HIPK2: variants seen among roughly 807,000 people sequenced by gnomAD.
HIPK2 encodes the protein homeodomain interacting protein kinase 2.
In HIPK2, 27 loss-of-function variants were observed where a neutral mutation model predicts 113.7. That is an observed-to-expected ratio of 0.24 (90% CI 0.17 to 0.33). HIPK2 has a LOEUF of 0.33. Among genes scored for constraint, HIPK2 ranks in the 10% least tolerant of loss-of-function variants. HIPK2 has a pLI of 1.00. For missense variants in HIPK2, 1,257 were observed against 1,588.0 expected, an observed-to-expected ratio of 0.79 and a Z score of 3.54; for synonymous variants, 631 against 642.2, an observed-to-expected ratio of 0.98 and a Z score of 0.26.
Position 139,571,998 on chromosome 7 carries a change from T to C in HIPK2, c.*929A>G, listed in dbSNP as rs1185975326. On this transcript the variant is annotated 3_prime_UTR_variant, in exon 15 of 15. Transcript: ENST00000406875. ...AATATTCTATTGGTATCATTGGAGT[T>C]GAACACAAGGTAGGAGACAAGGGTG... is the stretch of plus-strand genomic sequence containing the variant. The C allele has an allele frequency of 6.6e-6, 1 of 152,280 alleles. No homozygotes were observed. The highest frequency in any genetic ancestry group is 6.5e-5 in the Admixed American group (1 of 15,288). The allele number at this position is 152,280 out of a possible 1,614,324, so 9.4% of individuals were successfully genotyped here. A position where few individuals can be genotyped will look rare whatever the true frequency, so the allele number is the denominator to read the frequency against.
intron 6 of HIPK2, among the ~76,000 whole-genome samples, chr7:139,626,235 T>C (rs1428613620): frequency 2.6e-5 from 4 of 152,036 alleles, no homozygotes. Context: ...CCCAAATAGC[T>C]GGGATTACAG....
chr7:139,677,220 G>A (rs1396298651), intron 2 of HIPK2, among the ~76,000 whole-genome samples: 4 of 150,318 alleles, frequency 2.7e-5, no homozygotes, highest in African/African-American at 9.8e-5. Flanking sequence ...TATGTAGAGA[G>A]AGAGGGGCTG....
In HIPK2 at chr7:139,776,811, G is replaced by A. The variant is rs574471486; in HGVS notation, c.19+794C>T. On this transcript the variant is annotated intron_variant, in intron 1 of 14. Coordinates refer to ENST00000406875, the MANE Select transcript of HIPK2 (RefSeq NM_022740.5). Reference sequence around the variant, plus strand: ...CTTTCTGGCTGGAAGCTGACAGAACGGACTGAAGAGAAACGAAAGACAGTG... The same window carrying A: ...CTTTCTGGCTGGAAGCTGACAGAACAGACTGAAGAGAAACGAAAGACAGTG... Among the ~76,000 whole-genome samples the A allele has an allele frequency of 5.9e-5, 9 of 152,304 alleles. No homozygotes were observed. In the South Asian group the frequency reaches 1.7e-3, roughly 28 times the overall value.
chr7:139,755,044 A>G (rs1015122), intron 1 of HIPK2, among the ~76,000 whole-genome samples: 54,879 of 152,024 alleles, frequency 0.36, 13,787 homozygotes, highest in African/African-American at 0.71. Flanking sequence ...CCTCACTTCC[A>G]GCATGGGGGG....
chr7:139,676,013 T>C (rs753486496), intron 2 of HIPK2, among the ~76,000 whole-genome samples: 1 of 152,234 alleles, frequency 6.6e-6, no homozygotes, highest in Non-Finnish European at 1.5e-5. Flanking sequence ...AGTCGTCTCC[T>C]GATCAAAAGA....
chr7:139,626,898 T>G (rs1800452281), intron 5 of HIPK2, 113 bp from the exon 6 acceptor site: 3 of 1,228,506 alleles, frequency 2.4e-6, no homozygotes, highest in Non-Finnish European at 3.5e-6. Flanking sequence ...GCCCCCTTTC[T>G]CAGTTCCCAG....
intron 1 of HIPK2, among the ~76,000 whole-genome samples, chr7:139,728,163 G>A (rs1038462033): frequency 6.6e-6 from 1 of 151,764 alleles, no homozygotes; most frequent in Non-Finnish European, 1.5e-5. Flanking sequence ...GGCTGGTCTC[G>A]AACTCCTGGG....
chr7:139,564,137 G>C lies in HIPK2; in HGVS notation c.*8790C>G, dbSNP rs772680975. 15 of 396,566 alleles carry C rather than the reference G, an allele frequency of 3.8e-5. No individual in the cohort carries two copies. The highest frequency in any genetic ancestry group is 6.2e-5 in the Non-Finnish European group (14 of 225,452). The allele number at this position is 396,566 out of a possible 1,614,324, so 24.6% of individuals were successfully genotyped here. A position where few individuals can be genotyped will look rare whatever the true frequency, so the allele number is the denominator to read the frequency against. The stretch of plus-strand genomic sequence containing the variant: ...TCCCCCTCCCACCGAACTAGACTTT[G>C]AGTCTAAGCTGGACAATGAGTAAAA... On this transcript the variant is annotated 3_prime_UTR_variant, in exon 15 of 15. Transcript: ENST00000406875.
At position 139,582,681 on chromosome 7, in the gene HIPK2, G is replaced by A. The variant is rs79195010; in HGVS notation, c.2965+1136C>T. On this transcript the variant is annotated intron_variant, in intron 13 of 14. Coordinates refer to ENST00000406875, the MANE Select transcript of HIPK2 (RefSeq NM_022740.5). ...TGCCTTGGGTTAGGAAGTAGGTGGC[G>A]GGGAGCGCAAGCCTGTGGCTGTCAC... 1.6e-4 allele frequency among the ~76,000 whole-genome samples: 24 copies of A among 152,370 alleles called. 1 individual carries two copies. The East Asian group carries it at 3.3e-3, about 21-fold the overall frequency.
At position 139,629,032 on chromosome 7, in the gene HIPK2, T is replaced by C; in HGVS notation, c.1355A>G (p.Asp452Gly). ...PYPLWRLKTP[D>G]DHEAETGIKS... ...AATCCCTGTCTCTGCTTCATGGTCA[T>C]CTGGTGTCTGTCAAGAGAGGCAAAA... is the stretch of plus-strand genomic sequence containing the variant. Residue 452 changes from aspartate to glycine, a missense_variant, in exon 5 of 15, where the codon GAT (aspartate) becomes GGT (glycine). By Grantham distance (94) the Asp-to-Gly change is moderately conservative. Transcript: ENST00000406875. The C allele has an allele frequency of 1.3e-6, 2 of 1,588,520 alleles. No individual in the cohort carries two copies. Among genetic ancestry groups the C allele is most frequent in the Non-Finnish European group, 1.7e-6 (2 of 1,165,286 alleles).
Position 139,631,609 on chromosome 7 carries a change from T to C in HIPK2, c.1220A>G (p.Tyr407Cys), listed in dbSNP as rs1569459130. ...GWPLYPGASEYDQIRYISQTQ... is the reference protein window; with the variant it reads ...GWPLYPGASECDQIRYISQTQ... ...TGTGTCATCTGGACCCACCTGATCA[T>C]ACTCCGAAGCTCCTGGATATAACGG... The change falls in exon 3 of 15, where the codon TAT becomes TGT. Residue 407 changes from tyrosine to cysteine, a missense_variant. Physicochemically the swap from Tyr to Cys is radical, Grantham distance 194. This residue lies in a region of HIPK2 where 84 missense variants were observed against 182.2 expected (regional missense o/e 0.46). Coordinates refer to ENST00000406875, the MANE Select transcript of HIPK2 (RefSeq NM_022740.5). This position sits in a 1 kb window ranked among gnomAD's most constrained non-coding sequence, Gnocchi z 4.9. The C allele has an allele frequency of 6.2e-6, 10 of 1,613,928 alleles. No individual in the cohort carries two copies. Among genetic ancestry groups the C allele is most frequent in the Admixed American group, 1.7e-5 (1 of 60,008 alleles).
chr7:139,706,305 G>A (rs545594022), intron 2 of HIPK2, among the ~76,000 whole-genome samples: 85 of 152,262 alleles, frequency 5.6e-4, no homozygotes, highest in Admixed American at 5.2e-3. Flanking sequence ...GGAAGCGGGC[G>A]GCCCCTGTGA....
intron 6 of HIPK2, among the ~76,000 whole-genome samples, chr7:139,621,871 C>A (rs1800244667): frequency 7.5e-6 from 1 of 133,998 alleles, no homozygotes; most frequent in Non-Finnish European, 1.5e-5. Flanking sequence ...TACAGTGAGT[C>A]ATGATTAGGC....
intron 1 of HIPK2, among the ~76,000 whole-genome samples, chr7:139,766,343 G>A (rs1464603095): frequency 6.6e-6 from 1 of 152,224 alleles, no homozygotes; most frequent in African/African-American, 2.4e-5. Context: ...GTCTCAGTAA[G>A]AGTATTCCTG....
rs1799899885 is a variant in HIPK2, at chr7:139,613,225, T to A, written c.2089A>T (p.Ile697Phe). The A allele has an allele frequency of 6.2e-7, 1 of 1,613,780 alleles. No individual in the cohort carries two copies. Among genetic ancestry groups the A allele is most frequent in the South Asian group, 1.1e-5 (1 of 91,050 alleles). Residue 697 changes from isoleucine (I) to phenylalanine (F), a missense_variant, in exon 9 of 15, where the codon ATC becomes TTC. Coordinates refer to ENST00000406875, the MANE Select transcript of HIPK2 (RefSeq NM_022740.5). This position sits in a 1 kb window ranked among gnomAD's most constrained non-coding sequence, Gnocchi z 4.2. ...ACCTGGGCAAGCAGACCTGGTTGGA[T>A]CTGAAGAGGCTGAGCTCCTGGGGCT... ...TQAPGAQPLQ[I>F]QPGLLAQQAW...
intron 2 of HIPK2, among the ~76,000 whole-genome samples, chr7:139,707,792 G>C (rs1794946133): frequency 6.6e-6 from 1 of 152,246 alleles, no homozygotes; most frequent in African/African-American, 2.4e-5. Flanking sequence ...GCTACAGGGA[G>C]AGTTCAGCAG....
intron 2 of HIPK2, among the ~76,000 whole-genome samples, chr7:139,651,044 C>T (rs1472682381): frequency 6.6e-6 from 1 of 152,218 alleles, no homozygotes; most frequent in Non-Finnish European, 1.5e-5. Context: ...TATGCAGTGA[C>T]AGATACTGAT....
In HIPK2 at chr7:139,575,259, T is replaced by G. The variant is rs1329984122; in HGVS notation, c.2995A>C (p.Lys999Gln). The change falls in exon 14 of 15, where the codon AAG (lysine) becomes CAG (glutamine). Residue 999 changes from lysine to glutamine, a missense_variant. By Grantham distance (53) the Lys-to-Gln change is moderately conservative. Coordinates refer to ENST00000406875, the MANE Select transcript of HIPK2 (RefSeq NM_022740.5). ...GTCACGTTGCTGGAGGACTTGGACT[T>G]GTAGGAGGACGAGTGGTGACTGGTG... Reference protein sequence around the residue: ...VNTSHHSSSYKSKSSSNVTST... With the variant: ...VNTSHHSSSYQSKSSSNVTST... 1.9e-6 allele frequency: 3 copies of G among 1,576,526 alleles called. No individual in the cohort carries two copies. Among genetic ancestry groups the G allele is most frequent in the South Asian group, 2.3e-5 (2 of 85,650 alleles).
intron 6 of HIPK2, among the ~76,000 whole-genome samples, chr7:139,624,395 C>T (rs1800353514): frequency 6.6e-6 from 1 of 152,190 alleles, no homozygotes; most frequent in African/African-American, 2.4e-5. Flanking sequence ...CCAAGCCATT[C>T]CCTGCCTCGC....
Sources: allele counts gnomAD v4.1 joint callset (sites outside exome capture counted in the v4.1 genomes callset), GRCh38; gene constraint gnomAD v4.1.1; regional missense constraint gnomAD v4.1.1; non-coding constraint Gnocchi (gnomAD v3.1); transcripts MANE v1.5; gene names NCBI Gene and HGNC (gene_info 2026-07-23, HGNC 2026-07-21).